NCOA2: variants seen among roughly 807,000 people sequenced by gnomAD.
NCOA2 encodes class E basic helix-loop-helix protein 75.
Under a neutral mutation model 145.1 loss-of-function variants are expected in NCOA2, and 21 were observed. The ratio of observed to expected loss-of-function variants is 0.14; its 90% CI spans 0.10 to 0.21. NCOA2 has a LOEUF of 0.21. Among genes scored for constraint, NCOA2 ranks in the 10% least tolerant of loss-of-function variants. The pLI is 1.00. For synonymous variants in NCOA2, 619 were observed against 637.5 expected (o/e 0.97, Z 0.44); for missense variants, 1,472 against 1,837.6 (o/e 0.80, Z 3.64).
chr8:70,313,874 T>A (rs1805324607), intron 1 of NCOA2, among the ~76,000 whole-genome samples: 1 of 151,930 alleles, frequency 6.6e-6, no homozygotes, highest in South Asian at 2.1e-4. Flanking sequence ...AAAGTAAACT[T>A]CAAAAACAAC....
chr8:70,447,894 A>T, the NCOA2 span, among the ~76,000 whole-genome samples: 1 of 151,980 alleles, frequency 6.6e-6, no homozygotes. Flanking sequence ...CATATTGCCC[A>T]GGCTGGTCTC....
chr8:70,118,708 G>A (rs1431053439), intron 22 of NCOA2, among the ~76,000 whole-genome samples: 1 of 143,214 alleles, frequency 7.0e-6, no homozygotes, highest in Admixed American at 7.0e-5. Context: ...TTTTTTTTGA[G>A]ACAGAGTTTT....
intron 1 of NCOA2, among the ~76,000 whole-genome samples, chr8:70,353,240 G>A (rs72663979): frequency 0.038 from 5,816 of 151,372 alleles, 143 homozygotes; most frequent in South Asian, 0.1. Flanking sequence ...TAAACCATCC[G>A]TAAACATGTG....
intron 1 of NCOA2, among the ~76,000 whole-genome samples, chr8:70,391,830 G>T (rs1391473440): frequency 6.6e-6 from 1 of 152,196 alleles, no homozygotes; most frequent in Admixed American, 6.5e-5. Flanking sequence ...TTTGGGGACA[G>T]CTTGAAAAAC....
At chr8:70,196,523 G>A (rs550677265) in intron 4 of NCOA2, among the ~76,000 whole-genome samples, 10 of 152,304 alleles carry the variant, frequency 6.6e-5, no homozygotes, top group South Asian at 6.2e-4. Context: ...TGACCTAAAG[G>A]TGCTGTTTGC....
intron 12 of NCOA2, among the ~76,000 whole-genome samples, chr8:70,147,114 G>A (rs964568779): frequency 4.5e-5 from 5 of 112,166 alleles, no homozygotes; most frequent in Non-Finnish European, 7.0e-5. Flanking sequence ...AATCTTTCGC[G>A]CGCGCGCGCG....
At position 70,309,954 on chromosome 8, in the gene NCOA2, AAAACAAAC is replaced by A. The variant is rs551949811; in HGVS notation, c.-76-13162_-76-13155del. Among the ~76,000 whole-genome samples the A allele has an allele frequency of 4.0e-5, 6 of 151,710 alleles. No homozygotes were observed. The East Asian group carries it at 7.8e-4, about 20-fold the overall frequency. ...GGAGACAGAGCAAGACCCTGTCTCG[AAAACAAAC>A]AAACAAACAAACAAAAAAACGAAAC... On this transcript the variant is annotated intron_variant, in intron 1 of 22. Transcript: ENST00000452400.
At position 70,365,876 on chromosome 8, in the gene NCOA2, C is replaced by T. The variant is rs148969324; in HGVS notation, c.-77+37824G>A. On this transcript the variant is annotated intron_variant, in intron 1 of 22. Transcript: ENST00000452400. Reference sequence around the variant, plus strand: ...AAAACGGAGAAAGAAGATTATCACCCAGCAAAACCACAGGTGCAAGAGAGC... The same window carrying T: ...AAAACGGAGAAAGAAGATTATCACCTAGCAAAACCACAGGTGCAAGAGAGC... 9.3e-3 allele frequency among the ~76,000 whole-genome samples: 1,414 copies of T among 152,234 alleles called. 22 individuals carry two copies. Among genetic ancestry groups the T allele is most frequent in the African/African-American group, 0.032 (1,317 of 41,526 alleles).
intron 1 of NCOA2, among the ~76,000 whole-genome samples, chr8:70,307,220 C>CAAAAAAAAAAAAAAAAAAAAAAAG (rs57161747): frequency 1.4e-5 from 1 of 71,642 alleles, no homozygotes; most frequent in Non-Finnish European, 3.1e-5. Context: ...CCTACATAAG[C>CAAAAAAAAAAAAAAAAAAAAAAAG]AAAAAAAAAA....
intron 6 of NCOA2, among the ~76,000 whole-genome samples, chr8:70,168,313 C>T (rs1468185908): frequency 6.6e-6 from 1 of 152,132 alleles, no homozygotes; most frequent in African/African-American, 2.4e-5. Flanking sequence ...TCAGCATCAG[C>T]ATTTTATTTT....
intron 9 of NCOA2, among the ~76,000 whole-genome samples, chr8:70,162,019 C>T (rs772349443): frequency 4.6e-5 from 7 of 152,150 alleles, no homozygotes; most frequent in Non-Finnish European, 1.0e-4. Context: ...TGCACTGACA[C>T]TGAATGCTAG....
At chr8:70,343,931 C>G (rs967411845) in intron 1 of NCOA2, among the ~76,000 whole-genome samples, 1 of 152,130 alleles carries the variant, frequency 6.6e-6, no homozygotes, top group South Asian at 2.1e-4. Context: ...ACCTGGGACA[C>G]TCTTGTGAAC....
At chr8:70,315,971 T>C (rs954728741) in intron 1 of NCOA2, among the ~76,000 whole-genome samples, 2 of 152,290 alleles carry the variant, frequency 1.3e-5, no homozygotes, top group African/African-American at 2.4e-5. Context: ...CAGGAATTAA[T>C]AGATGACGGA....
chr8:70,242,907 T>C (rs1822265883), intron 2 of NCOA2, among the ~76,000 whole-genome samples: 2 of 152,062 alleles, frequency 1.3e-5, no homozygotes, highest in South Asian at 4.1e-4. Context: ...TCAGACCCGA[T>C]TATAATATTT....
chr8:70,185,934 G>A (rs1318478143), intron 4 of NCOA2, among the ~76,000 whole-genome samples: 1 of 152,066 alleles, frequency 6.6e-6, no homozygotes, highest in African/African-American at 2.4e-5. Flanking sequence ...TGTGTCATTA[G>A]TCCTTCTCTA....
intron 1 of NCOA2, among the ~76,000 whole-genome samples, chr8:70,331,789 A>C (rs1361496047): frequency 2.6e-5 from 4 of 152,212 alleles, no homozygotes; most frequent in Admixed American, 2.6e-4. Context: ...AATCAAACAT[A>C]TTGTGAACAA....
chr8:70,272,001 CAT>C (rs1258095884), intron 2 of NCOA2, among the ~76,000 whole-genome samples: 2 of 152,308 alleles, frequency 1.3e-5, no homozygotes, highest in South Asian at 2.1e-4. Context: ...ATTCTTCACA[CAT>C]GTGTAATTAC....
intron 1 of NCOA2, among the ~76,000 whole-genome samples, chr8:70,303,001 C>T (rs923337635): frequency 6.6e-6 from 1 of 152,116 alleles, no homozygotes; most frequent in African/African-American, 2.4e-5. Context: ...CTCTTGCCTA[C>T]CATGGTCAGA....
In NCOA2 at chr8:70,388,822, A is replaced by G. The variant is rs74909119; in HGVS notation, c.-77+14878T>C. ...GTCTCAGGGAACAAAGATGAAACTA[A>G]GTAAAAGCCTAGAATTCTTTAGTGT... On this transcript the variant is annotated intron_variant, in intron 1 of 22. Coordinates refer to ENST00000452400, the MANE Select transcript of NCOA2 (RefSeq NM_006540.4). Among the ~76,000 whole-genome samples, 897 of 152,322 alleles carry G rather than the reference A, an allele frequency of 5.9e-3. 5 individuals carry two copies. Among genetic ancestry groups the G allele is most frequent in the African/African-American group, 0.02 (838 of 41,572 alleles).
Sources: allele counts gnomAD v4.1 joint callset (sites outside exome capture counted in the v4.1 genomes callset), GRCh38; gene constraint gnomAD v4.1.1; transcripts MANE v1.5; gene names NCBI Gene and HGNC (gene_info 2026-07-23, HGNC 2026-07-21).